Variants in MACROD2 observed in about 807,000 individuals in gnomAD.
The protein encoded by MACROD2 is ADP-ribose glycohydrolase MACROD2.
MACROD2 carries 36 observed loss-of-function variants against 70.4 expected under a neutral mutation model. The observed-to-expected ratio is 0.51, with a 90% CI of 0.39 to 0.68. The LOEUF is 0.68. Among genes scored for constraint, MACROD2 ranks in the 30% least tolerant of loss-of-function variants. The pLI, the probability that MACROD2 is intolerant of heterozygous loss-of-function variation, is 0.00. For missense variants in MACROD2, 496 were observed against 538.4 expected, an observed-to-expected ratio of 0.92 and a Z score of 0.78; for synonymous variants, 172 against 178.8, an observed-to-expected ratio of 0.96 and a Z score of 0.30.
At chr20:15,694,808 A>G (rs2050344225) in intron 8 of MACROD2, among the ~76,000 whole-genome samples, 1 of 152,204 alleles carries the variant, frequency 6.6e-6, no homozygotes, top group South Asian at 2.1e-4. Context: ...AATGTCTAGA[A>G]GAGTTTTTCC....
At chr20:15,857,654 A>C (rs560088888) in intron 8 of MACROD2, among the ~76,000 whole-genome samples, 1 of 152,342 alleles carries the variant, frequency 6.6e-6, no homozygotes, top group South Asian at 2.1e-4. Context: ...ATCTCATGGA[A>C]ATTTCTCTGT....
At chr20:14,402,872 T>C (rs1191799714) in intron 3 of MACROD2, among the ~76,000 whole-genome samples, 2 of 152,184 alleles carry the variant, frequency 1.3e-5, no homozygotes, top group Non-Finnish European at 2.9e-5. Flanking sequence ...GGCTGTGTTT[T>C]CTTGTTCAAG....
At chr20:14,313,703 A>G (rs547878450) in intron 3 of MACROD2, among the ~76,000 whole-genome samples, 1 of 152,276 alleles carries the variant, frequency 6.6e-6, no homozygotes, top group African/African-American at 2.4e-5. Flanking sequence ...TCATAGAAGA[A>G]TTTTCTGAAG....
At chr20:14,367,438 A>C (rs540170904) in intron 3 of MACROD2, among the ~76,000 whole-genome samples, 2 of 152,250 alleles carry the variant, frequency 1.3e-5, no homozygotes, top group South Asian at 4.1e-4. Flanking sequence ...GACTCCCTTT[A>C]GCTTTTCTCA....
chr20:14,575,017 CAAAAAAAAAAA>C (rs1195216470), intron 4 of MACROD2, among the ~76,000 whole-genome samples: 4 of 49,950 alleles, frequency 8.0e-5, no homozygotes, highest in Non-Finnish European at 1.1e-4. Flanking sequence ...GACTCTGTCT[CAAAAAAAAAAA>C]AAAAAAAAAA....
intron 3 of MACROD2, among the ~76,000 whole-genome samples, chr20:14,312,898 C>A (rs931280895): frequency 6.6e-6 from 1 of 152,196 alleles, no homozygotes; most frequent in South Asian, 2.1e-4. Context: ...CTATCCTGTA[C>A]GCCAGAGTGG....
At chr20:15,567,897 T>C (rs753105167) in intron 8 of MACROD2, among the ~76,000 whole-genome samples, 1 of 152,226 alleles carries the variant, frequency 6.6e-6, no homozygotes, top group Non-Finnish European at 1.5e-5. Context: ...GAAATTCAGA[T>C]TTTTTGTTGG....
Position 15,052,288 on chromosome 20 carries a change from A to G in MACROD2, c.419-177652A>G, listed in dbSNP as rs572511238. 3.3e-5 allele frequency among the ~76,000 whole-genome samples: 5 copies of G among 152,240 alleles called. No homozygotes were observed. The South Asian group carries it at 1.0e-3, about 32-fold the overall frequency. ...GTGCCTAGTGTGATGGGTGGCATAT[A>G]CAGGCATCGCTTGTTTTATTGTGTT... On this transcript the variant is annotated intron_variant, in intron 5 of 17. Coordinates refer to ENST00000684519, the MANE Select transcript of MACROD2 (RefSeq NM_001351661.2).
chr20:15,472,761 C>T (rs1214995573), intron 7 of MACROD2, among the ~76,000 whole-genome samples: 4 of 152,074 alleles, frequency 2.6e-5, no homozygotes, highest in African/African-American at 9.7e-5. Context: ...TTCCAATGTT[C>T]TTTCCCATAA....
chr20:15,823,191 G>A (rs1436528850), intron 8 of MACROD2, among the ~76,000 whole-genome samples: 1 of 151,774 alleles, frequency 6.6e-6, no homozygotes, highest in African/African-American at 2.4e-5. Flanking sequence ...TAGCTTTAAC[G>A]ATGACTTTAA....
chr20:15,259,090 C>T (rs2077225417), intron 6 of MACROD2, among the ~76,000 whole-genome samples: 1 of 151,968 alleles, frequency 6.6e-6, no homozygotes, highest in Non-Finnish European at 1.5e-5. Context: ...GGACAAAGCT[C>T]ATCTCCATAG....
At chr20:15,119,921 C>T (rs940737835) in intron 5 of MACROD2, among the ~76,000 whole-genome samples, 9 of 152,212 alleles carry the variant, frequency 5.9e-5, no homozygotes, top group African/African-American at 2.2e-4. Context: ...CTGACAATTA[C>T]TTGGATTATA....
intron 3 of MACROD2, among the ~76,000 whole-genome samples, chr20:14,369,204 T>A (rs2083300561): frequency 6.6e-6 from 1 of 152,212 alleles, no homozygotes; most frequent in African/African-American, 2.4e-5. Context: ...GCTGCATTTC[T>A]CCTCTGAAGG....
At chr20:14,493,585 G>T in intron 4 of MACROD2, 77 bp downstream of exon 4, 1 of 1,212,446 alleles carries the variant, frequency 8.2e-7, no homozygotes, top group Non-Finnish European at 1.2e-6. Flanking sequence ...TAAGTTCTGT[G>T]ACACTTAAAA....
chr20:16,047,088 C>T (rs2067393479), intron 17 of MACROD2, among the ~76,000 whole-genome samples: 5 of 152,122 alleles, frequency 3.3e-5, no homozygotes, highest in Non-Finnish European at 7.4e-5. Flanking sequence ...AATTCTGCTC[C>T]CTAAGCAATA....
intron 2 of MACROD2, among the ~76,000 whole-genome samples, chr20:14,073,689 C>T (rs1444837523): frequency 6.6e-6 from 1 of 152,092 alleles, no homozygotes; most frequent in Admixed American, 6.6e-5. Context: ...TTGGAGTGAG[C>T]TCATATCGAA....
At chr20:15,836,297 A>G (rs2064113740) in intron 8 of MACROD2, among the ~76,000 whole-genome samples, 1 of 152,182 alleles carries the variant, frequency 6.6e-6, no homozygotes. Flanking sequence ...GTTGGAAAGT[A>G]TTTGTGGCAA....
chr20:15,098,188 G>C (rs1049359036), intron 5 of MACROD2, among the ~76,000 whole-genome samples: 3 of 152,082 alleles, frequency 2.0e-5, no homozygotes, highest in Admixed American at 2.0e-4. Context: ...TTAAATGCTT[G>C]ATTTGATGCT....
chr20:15,340,126 C>CTTTTTGTTTTTTTTT (rs1372227059), intron 6 of MACROD2, among the ~76,000 whole-genome samples: 1 of 91,842 alleles, frequency 1.1e-5, no homozygotes, highest in African/African-American at 4.0e-5. Flanking sequence ...TTCTTTCTTT[C>CTTTTTGTTTTTTTTT]TTTCTTTTTT....
Sources: allele counts gnomAD v4.1 joint callset (sites outside exome capture counted in the v4.1 genomes callset), GRCh38; gene constraint gnomAD v4.1.1; transcripts MANE v1.5; gene names NCBI Gene and HGNC (gene_info 2026-07-23, HGNC 2026-07-21).